PDE7B: variants seen among roughly 807,000 people sequenced by gnomAD.
PDE7B encodes 3',5'-cyclic-AMP phosphodiesterase 7B.
In PDE7B, 29 loss-of-function variants were observed where a neutral mutation model predicts 56.2. The ratio of observed to expected loss-of-function variants is 0.52; its 90% CI spans 0.38 to 0.70. PDE7B has a LOEUF of 0.70. PDE7B is among the 30% of genes least tolerant of loss of function. The pLI is 0.00. For synonymous variants in PDE7B, 197 were observed against 196.9 expected, an observed-to-expected ratio of 1.00 and a Z score of 0.00; for missense variants, 490 against 565.0, an observed-to-expected ratio of 0.87 and a Z score of 1.35.
intron 3 of PDE7B, among the ~76,000 whole-genome samples, chr6:136,124,211 C>T (rs1274733196): frequency 6.6e-6 from 1 of 151,890 alleles, no homozygotes; most frequent in Non-Finnish European, 1.5e-5. Context: ...AAGGTGAATT[C>T]AGGGCAATTT....
In PDE7B at chr6:135,947,449, A is replaced by G. The variant is rs1007129562; in HGVS notation, c.22-15A>G. ...ATGAAATCTTAAAATAACCTTGGCT[A>G]TCTTTCTATTTCAGAGGTGTGGCGA... is the stretch of plus-strand genomic sequence containing the variant. On this transcript the variant is annotated splice_polypyrimidine_tract_variant and intron_variant, in intron 1 of 12. Transcript: ENST00000308191. 1.9e-6 allele frequency: 3 copies of G among 1,599,426 alleles called. No individual in the cohort carries two copies. Among genetic ancestry groups the G allele is most frequent in the Non-Finnish European group, 2.6e-6 (3 of 1,166,926 alleles).
rs1356791879 is a variant in PDE7B, at chr6:136,129,427, C to A, written c.167-17924C>A. 2.0e-5 allele frequency among the ~76,000 whole-genome samples: 3 copies of A among 152,192 alleles called. No individual in the cohort carries two copies. In the East Asian group the frequency reaches 5.8e-4, roughly 29 times the overall value. On this transcript the variant is annotated intron_variant, in intron 3 of 12. Transcript: ENST00000308191. The stretch of plus-strand genomic sequence containing the variant: ...GGCACTGCTTAGTTATCCAGCCACA[C>A]TACTTGCCCACTAGAAGGGCAGCTG...
At chr6:136,163,579 A>G (rs902172016) in intron 8 of PDE7B, among the ~76,000 whole-genome samples, 2 of 152,212 alleles carry the variant, frequency 1.3e-5, no homozygotes, top group African/African-American at 4.8e-5. Context: ...CTTGTTACTT[A>G]TGCAAATTTC....
At chr6:136,108,709 G>T (rs748439786) in intron 2 of PDE7B, 22 bp from the exon 3 acceptor site, 1 of 1,525,788 alleles carries the variant, frequency 6.6e-7, no homozygotes, top group South Asian at 1.1e-5. Flanking sequence ...TCAAGCCTTT[G>T]TTTGGATTTT....
chr6:135,891,765 A>C (rs558821761), intron 1 of PDE7B, among the ~76,000 whole-genome samples: 1 of 152,310 alleles, frequency 6.6e-6, no homozygotes, highest in Non-Finnish European at 1.5e-5. Flanking sequence ...CTACCTTGTC[A>C]TTATGTATCT....
At chr6:135,877,371 T>G (rs1348363322) in intron 1 of PDE7B, among the ~76,000 whole-genome samples, 1 of 151,712 alleles carries the variant, frequency 6.6e-6, no homozygotes, top group Non-Finnish European at 1.5e-5. Flanking sequence ...TTTTTTTTTT[T>G]TTTTCACCTT....
intron 3 of PDE7B, among the ~76,000 whole-genome samples, chr6:136,131,233 AT>A (rs1778111804): frequency 6.6e-6 from 1 of 152,154 alleles, no homozygotes; most frequent in Non-Finnish European, 1.5e-5. Context: ...GCCATTCCTA[AT>A]TAAAACATTA....
At chr6:135,877,080 A>C (rs1775509954) in intron 1 of PDE7B, among the ~76,000 whole-genome samples, 1 of 151,856 alleles carries the variant, frequency 6.6e-6, no homozygotes, top group Admixed American at 6.6e-5. Context: ...CTTTAAAAAA[A>C]AATCTACCGA....
chr6:135,975,819 T>TG (rs71006781), intron 2 of PDE7B, among the ~76,000 whole-genome samples: 124,394 of 151,632 alleles, frequency 0.82, 51,388 homozygotes, highest in African/African-American at 0.93. Flanking sequence ...GTGCCAAATT[T>TG]GTGTCACAGT....
At chr6:136,138,878 A>G (rs1038185335) in intron 3 of PDE7B, among the ~76,000 whole-genome samples, 5 of 152,172 alleles carry the variant, frequency 3.3e-5, no homozygotes, top group Non-Finnish European at 7.4e-5. Flanking sequence ...GGGGAAAGAC[A>G]TTATATGCTA....
At chr6:135,925,001 T>G (rs1027713074) in intron 1 of PDE7B, among the ~76,000 whole-genome samples, 17 of 151,276 alleles carry the variant, frequency 1.1e-4, no homozygotes, top group African/African-American at 2.7e-4. Flanking sequence ...TGGGTGTTTT[T>G]TTTTTTTTTT....
At chr6:136,127,641 ACACT>A (rs1562499661) in intron 3 of PDE7B, among the ~76,000 whole-genome samples, 1 of 152,330 alleles carries the variant, frequency 6.6e-6, no homozygotes, top group East Asian at 1.9e-4. Flanking sequence ...CTTAAGAAAA[ACACT>A]CAAGAGTTAG....
chr6:136,178,321 T>G (rs1779011690), intron 9 of PDE7B, among the ~76,000 whole-genome samples: 1 of 152,222 alleles, frequency 6.6e-6, no homozygotes, highest in Non-Finnish European at 1.5e-5. Context: ...ATATTTCATT[T>G]TTAAAGGTAA....
At chr6:135,860,210 CAG>C (rs1267955818) in intron 1 of PDE7B, among the ~76,000 whole-genome samples, 3 of 152,120 alleles carry the variant, frequency 2.0e-5, no homozygotes, top group East Asian at 3.9e-4. Flanking sequence ...AATTGAGACT[CAG>C]ATAAATTGCG....
In PDE7B at chr6:136,181,394, G is replaced by A. The variant is rs947684950; in HGVS notation, c.1045+71G>A. The A allele has an allele frequency of 1.8e-5, 16 of 903,928 alleles. No individual in the cohort carries two copies. The African/African-American group carries it at 2.3e-4, about 13-fold the overall frequency. 56.0% of individuals were successfully genotyped at this position (903,928 alleles called of 1,614,324 possible). A position where few individuals can be genotyped will look rare whatever the true frequency, so the allele number is the denominator to read the frequency against. On this transcript the variant is annotated intron_variant, in intron 11 of 12. Coordinates refer to ENST00000308191, the MANE Select transcript of PDE7B (RefSeq NM_018945.4). ...TTAGGCATTTATCCTAATAAAACAG[G>A]AAATGGCTGATCTATCATGACATTT...
At chr6:136,140,874 A>G (rs541334416) in intron 3 of PDE7B, among the ~76,000 whole-genome samples, 37 of 152,270 alleles carry the variant, frequency 2.4e-4, no homozygotes, top group South Asian at 6.2e-4. Flanking sequence ...GGCTGAGACA[A>G]TGGGGTTTTC....
At chr6:136,074,949 T>A (rs1487938421) in intron 2 of PDE7B, among the ~76,000 whole-genome samples, 1 of 152,198 alleles carries the variant, frequency 6.6e-6, no homozygotes, top group African/African-American at 2.4e-5. Context: ...TACCTAGAAG[T>A]GAAATTTCTG....
At position 136,151,209 on chromosome 6, in the gene PDE7B, C is replaced by T. The variant is rs773593954; in HGVS notation, c.432C>T (p.Leu144=). The T allele has an allele frequency of 6.2e-6, 10 of 1,611,904 alleles. No individual in the cohort carries two copies. The highest frequency in any genetic ancestry group is 8.5e-6 in the Non-Finnish European group (10 of 1,178,254). The change falls in exon 6 of 13, where the codon CTC becomes CTT. Residue 144 remains leucine (L), a synonymous_variant. Transcript: ENST00000308191. ...LLCHLFNTHG[L]IHHFKLDMVT... The stretch of plus-strand genomic sequence containing the variant: ...GCCACCTCTTCAATACCCATGGACT[C>T]ATTCACCATTTCAAGTTAGATATGG...
At chr6:135,924,997 T>G (rs1036400125) in intron 1 of PDE7B, among the ~76,000 whole-genome samples, 7 of 39,308 alleles carry the variant, frequency 1.8e-4, no homozygotes, top group African/African-American at 4.6e-4. Context: ...TATTTGGGTG[T>G]TTTTTTTTTT....
Sources: allele counts gnomAD v4.1 joint callset (sites outside exome capture counted in the v4.1 genomes callset), GRCh38; gene constraint gnomAD v4.1.1; transcripts MANE v1.5; gene names NCBI Gene and HGNC (gene_info 2026-07-23, HGNC 2026-07-21).